Variants in SUPT3H observed in about 807,000 individuals in gnomAD.
SUPT3H encodes the protein SPT3 homolog, SAGA and STAGA complex component.
A neutral mutation model predicts 44.3 loss-of-function variants in SUPT3H; 44 were observed. That is an observed-to-expected ratio of 0.99 (90% CI 0.78 to 1.28). The LOEUF is 1.28. Ranked by LOEUF, SUPT3H falls within the 50% of genes most tolerant of loss-of-function variation. SUPT3H has a pLI of 0.00. For missense variants in SUPT3H, 380 were observed against 387.1 expected (o/e 0.98, Z 0.15); for synonymous variants, 124 against 125.6 (o/e 0.99, Z 0.09).
chr6:45,316,914 G>T (rs941864743), intron 2 of SUPT3H, among the ~76,000 whole-genome samples: 6 of 152,106 alleles, frequency 3.9e-5, no homozygotes, highest in Non-Finnish European at 7.4e-5. Context: ...CTAACTTTAT[G>T]TATTGAAAGA....
intron 3 of SUPT3H, among the ~76,000 whole-genome samples, chr6:45,077,648 G>GA (rs5875907): frequency 0.47 from 49,709 of 105,460 alleles, 10,429 homozygotes; most frequent in East Asian, 0.68. Context: ...AAAAAGAAAA[G>GA]AAAAAAAAAA....
intron 2 of SUPT3H, among the ~76,000 whole-genome samples, chr6:45,131,996 A>G (rs1803540740): frequency 6.6e-6 from 1 of 152,210 alleles, no homozygotes. Context: ...CAATTTATAA[A>G]TTGAGCACAG....
At chr6:44,822,747 T>C (rs1390883031), downstream of SUPT3H, among the ~76,000 whole-genome samples, 4 of 152,200 alleles carry the variant, frequency 2.6e-5, no homozygotes, top group East Asian at 1.9e-4. Flanking sequence ...ATAAGCTGTA[T>C]AGCCAAATAA....
chr6:45,098,603 C>G, intron 3 of SUPT3H: 1 of 329,064 alleles, frequency 3.0e-6, no homozygotes, highest in East Asian at 8.0e-5. Flanking sequence ...ATCCCCTTGC[C>G]AATCAGAATA....
intron 3 of SUPT3H, among the ~76,000 whole-genome samples, chr6:45,041,535 T>C (rs961269382): frequency 6.6e-6 from 1 of 152,214 alleles, no homozygotes; most frequent in Non-Finnish European, 1.5e-5. Context: ...TGCCAACTGA[T>C]GCAGGGCAGT....
intron 3 of SUPT3H, among the ~76,000 whole-genome samples, chr6:45,024,811 T>C (rs1357349795): frequency 6.6e-6 from 1 of 152,212 alleles, no homozygotes; most frequent in East Asian, 1.9e-4. Context: ...ATCCAATCAG[T>C]TGAAGACATG....
intron 10 of SUPT3H, among the ~76,000 whole-genome samples, chr6:44,832,296 T>C (rs1462005917): frequency 6.6e-6 from 1 of 152,170 alleles, no homozygotes; most frequent in Non-Finnish European, 1.5e-5. Flanking sequence ...TGTGAGGGCC[T>C]TCCAGAGGCC....
intron 5 of SUPT3H, among the ~76,000 whole-genome samples, chr6:45,010,865 TCTTTATCAAGTTAAAGAGGTTTC>T (rs1783387739): frequency 6.6e-6 from 1 of 152,160 alleles, no homozygotes; most frequent in African/African-American, 2.4e-5. Flanking sequence ...CATGCAATCA[TCTTTATCAAGTTAAAGAGGTTTC>T]CTTCTCTTCC....
intron 2 of SUPT3H, among the ~76,000 whole-genome samples, chr6:45,310,282 C>T (rs1783738036): frequency 6.6e-6 from 1 of 152,104 alleles, no homozygotes; most frequent in East Asian, 1.9e-4. Flanking sequence ...CAAGACGGCC[C>T]AAGTAGAGTC....
intron 2 of SUPT3H, chr6:45,361,590 A>G (rs1794273948): frequency 6.6e-6 from 1 of 152,190 alleles, no homozygotes. Context: ...TGAGTTCAAT[A>G]ACCTAAAAAT....
intron 2 of SUPT3H, among the ~76,000 whole-genome samples, chr6:45,338,682 T>C (rs1375558389): frequency 6.6e-6 from 1 of 152,108 alleles, no homozygotes; most frequent in African/African-American, 2.4e-5. Flanking sequence ...GCAATATAAA[T>C]TTGGGTTCAG....
chr6:44,924,322 A>G (rs1332202135), intron 10 of SUPT3H, among the ~76,000 whole-genome samples: 1 of 152,128 alleles, frequency 6.6e-6, no homozygotes, highest in Admixed American at 6.5e-5. Flanking sequence ...TACAAAAATA[A>G]AGTGGACATT....
At chr6:45,226,424 G>C (rs963485940) in intron 2 of SUPT3H, among the ~76,000 whole-genome samples, 2 of 152,128 alleles carry the variant, frequency 1.3e-5, no homozygotes, top group Non-Finnish European at 2.9e-5. Flanking sequence ...GTATTGTGCT[G>C]TGCTGGTAAA....
intron 2 of SUPT3H, among the ~76,000 whole-genome samples, chr6:45,231,275 T>C (rs753874951): frequency 1.3e-5 from 2 of 152,198 alleles, no homozygotes; most frequent in East Asian, 1.9e-4. Flanking sequence ...TCTTGTAAGA[T>C]AGGTGTAGTA....
intron 2 of SUPT3H, among the ~76,000 whole-genome samples, chr6:45,176,243 C>T (rs949324249): frequency 6.6e-6 from 1 of 151,720 alleles, no homozygotes; most frequent in East Asian, 1.9e-4. Context: ...CGAAGCAGGG[C>T]GAGGCATTGC....
intron 2 of SUPT3H, among the ~76,000 whole-genome samples, chr6:45,210,637 T>C (rs1479101323): frequency 6.6e-6 from 1 of 152,194 alleles, no homozygotes; most frequent in African/African-American, 2.4e-5. Context: ...CTTGAGCACA[T>C]GTCATCAGAA....
At chr6:45,291,511 C>T (rs904368546) in intron 2 of SUPT3H, among the ~76,000 whole-genome samples, 2 of 151,998 alleles carry the variant, frequency 1.3e-5, no homozygotes, top group Admixed American at 6.6e-5. Flanking sequence ...AGGGGAGACA[C>T]CAGAGAAAGG....
At chr6:45,047,318 G>A (rs1157346941) in intron 3 of SUPT3H, among the ~76,000 whole-genome samples, 1 of 152,162 alleles carries the variant, frequency 6.6e-6, no homozygotes, top group Non-Finnish European at 1.5e-5. Flanking sequence ...GCTTTACTAA[G>A]TAGGTTTGTA....
intron 2 of SUPT3H, among the ~76,000 whole-genome samples, chr6:45,308,489 C>A (rs1025519681): frequency 2.0e-5 from 3 of 152,122 alleles, no homozygotes; most frequent in African/African-American, 7.2e-5. Context: ...CATATCCAGC[C>A]AAACTAAGCT....
Sources: gnomAD v4.1 joint callset for allele counts (sites outside exome capture counted in the v4.1 genomes callset) on GRCh38, gnomAD v4.1.1 for gene constraint, MANE v1.5 for transcripts, NCBI Gene and HGNC (gene_info 2026-07-23, HGNC 2026-07-21) for gene names.